SLIT2: variants seen among roughly 807,000 people sequenced by gnomAD.
SLIT2 encodes slit guidance ligand 2, also known as slit homolog 2 protein.
SLIT2 carries 41 observed loss-of-function variants against 185.7 expected under a neutral mutation model. The ratio of observed to expected loss-of-function variants is 0.22; its 90% CI spans 0.17 to 0.29. The LOEUF is 0.29. Among genes scored for constraint, SLIT2 ranks in the 10% least tolerant of loss-of-function variants. SLIT2 has a pLI of 1.00. For missense variants in SLIT2, 1,571 were observed against 1,909.0 expected, an observed-to-expected ratio of 0.82 and a Z score of 3.30; for synonymous variants, 693 against 680.2, an observed-to-expected ratio of 1.02 and a Z score of -0.29.
Position 20,618,791 on chromosome 4 carries a change from A to G in SLIT2, c.4372A>G (p.Ile1458Val), listed in dbSNP as rs1560246922. The change falls in exon 37 of 37, where the codon ATA (isoleucine) becomes GTA (valine). Residue 1458 changes from isoleucine (I) to valine (V), a missense_variant. Ile to Val is a conservative substitution (Grantham distance 29). Coordinates refer to ENST00000504154, the MANE Select transcript of SLIT2 (RefSeq NM_004787.4). ...DREISCRGERIRDYYQKQQGY... is the reference protein window; with the variant it reads ...DREISCRGERVRDYYQKQQGY... ...AGAAATCTCTTGTCGAGGGGAAAGGATAAGAGATTATTACCAAAAGCAGCA... is the reference window on the plus strand; with the variant it reads ...AGAAATCTCTTGTCGAGGGGAAAGGGTAAGAGATTATTACCAAAAGCAGCA... 6.2e-7 allele frequency: 1 copy of G among 1,604,432 alleles called. No individual in the cohort carries two copies. The highest frequency in any genetic ancestry group is 1.7e-5 in the Admixed American group (1 of 59,802).
At chr4:20,512,942 T>G (rs1205382855) in intron 11 of SLIT2, among the ~76,000 whole-genome samples, 2 of 152,200 alleles carry the variant, frequency 1.3e-5, no homozygotes, top group East Asian at 3.9e-4. Context: ...TAGAACAGTT[T>G]ATTATAATTT....
intron 4 of SLIT2, among the ~76,000 whole-genome samples, chr4:20,300,637 CTTTGTT>C (rs1194868054): frequency 1.3e-5 from 2 of 151,922 alleles, no homozygotes; most frequent in Admixed American, 6.6e-5. Flanking sequence ...TAGACATCCT[CTTTGTT>C]TTTATTTCCT....
rs1721494411 is a variant in SLIT2, at chr4:20,528,437, A to G, written c.1463-512A>G. The G allele has an allele frequency of 7.4e-5, 36 of 486,184 alleles. No individual in the cohort carries two copies. The highest frequency in any genetic ancestry group is 5.3e-4 in the South Asian group (35 of 65,714). 30.1% of individuals were successfully genotyped at this position (486,184 alleles called of 1,614,324 possible). A position where few individuals can be genotyped will look rare whatever the true frequency, so the allele number is the denominator to read the frequency against. On this transcript the variant is annotated intron_variant, in intron 15 of 36. Coordinates refer to ENST00000504154, the MANE Select transcript of SLIT2 (RefSeq NM_004787.4). This position sits in a 1 kb window ranked among gnomAD's most constrained non-coding sequence, Gnocchi z 4.2. ...AGGATTTTCCTGTCTCTTTCTACAAAATCAAAATGAAAAAAGAGGGCTTTT... is the reference window on the plus strand; with the variant it reads ...AGGATTTTCCTGTCTCTTTCTACAAGATCAAAATGAAAAAAGAGGGCTTTT...
chr4:20,469,134 A>G (rs1714681479), intron 5 of SLIT2, among the ~76,000 whole-genome samples: 1 of 152,152 alleles, frequency 6.6e-6, no homozygotes, highest in Non-Finnish European at 1.5e-5. Context: ...GGCTTCAAGA[A>G]GTCTTCAGGT....
intron 8 of SLIT2, among the ~76,000 whole-genome samples, chr4:20,489,528 A>G (rs990682936): frequency 5.9e-5 from 9 of 152,268 alleles, no homozygotes; most frequent in Non-Finnish European, 1.2e-4. Context: ...CCACGCCTGT[A>G]ATCCCAGCAT....
intron 4 of SLIT2, among the ~76,000 whole-genome samples, chr4:20,310,951 C>T (rs1219692216): frequency 2.0e-5 from 3 of 152,212 alleles, no homozygotes; most frequent in Non-Finnish European, 4.4e-5. Flanking sequence ...GTGGTGCAAT[C>T]ATAGCTCATT....
intron 30 of SLIT2, 36 bp downstream of exon 30, chr4:20,589,773 G>C: frequency 6.7e-7 from 1 of 1,490,536 alleles, no homozygotes; most frequent in Non-Finnish European, 9.3e-7. Flanking sequence ...CACAGTCAGG[G>C]TAGGGGACCC....
intron 4 of SLIT2, among the ~76,000 whole-genome samples, chr4:20,280,389 T>G (rs1444927072): frequency 6.6e-6 from 1 of 151,714 alleles, no homozygotes; most frequent in Non-Finnish European, 1.5e-5. Context: ...CTTTCACTAG[T>G]TACATTCCTA....
intron 29 of SLIT2, among the ~76,000 whole-genome samples, chr4:20,585,565 CATTTAACCTAT>C (rs1391212557): frequency 6.6e-6 from 1 of 152,194 alleles, no homozygotes; most frequent in African/African-American, 2.4e-5. Flanking sequence ...TAGACACCAA[CATTTAACCTAT>C]ATTCAACCAC....
chr4:20,521,748 C>T (rs1487428401), intron 12 of SLIT2, among the ~76,000 whole-genome samples: 1 of 151,910 alleles, frequency 6.6e-6, no homozygotes, highest in Non-Finnish European at 1.5e-5. Flanking sequence ...AGAGCACAGC[C>T]AATTGAGTCA....
Position 20,372,552 on chromosome 4 carries a change from A to G in SLIT2, c.396-95200A>G, listed in dbSNP as rs114087008. Among the ~76,000 whole-genome samples, 868 of 152,186 alleles carry G rather than the reference A, an allele frequency of 5.7e-3. 7 individuals carry two copies. Among genetic ancestry groups the G allele is most frequent in the African/African-American group, 0.02 (827 of 41,560 alleles). ...TTTGTAAATTGTCTTTATAATTTAT[A>G]TCTTTAACTGTGTTCTATAGCATGG... On this transcript the variant is annotated intron_variant, in intron 4 of 36. Coordinates refer to ENST00000504154, the MANE Select transcript of SLIT2 (RefSeq NM_004787.4).
In SLIT2 at chr4:20,539,449, G is replaced by A; in HGVS notation, c.1841G>A (p.Arg614Lys). 6.2e-7 allele frequency: 1 copy of A among 1,611,516 alleles called. No individual in the cohort carries two copies. Among genetic ancestry groups the A allele is most frequent in the Non-Finnish European group, 8.5e-7 (1 of 1,179,008 alleles). The change falls in exon 19 of 37, where the codon AGA becomes AAA. Residue 614 changes from arginine to lysine, a missense_variant. Around this residue, in one of 3 missense-constraint regions of SLIT2, gnomAD observed 1,202 missense variants for 1,416.4 expected, o/e 0.85. Coordinates refer to ENST00000504154, the MANE Select transcript of SLIT2 (RefSeq NM_004787.4). ...GLESLKTLML[R>K]SNRITCVGND... The stretch of plus-strand genomic sequence containing the variant: ...CCTTTTTTTCCCCTCAGGATGTTGA[G>A]AAGCAATCGAATAACCTGTGTGGGG...
rs549115714 is a variant in SLIT2 at position 20,620,515 on chromosome 4, G to A, written c.*1506G>A. 23 of 418,472 alleles carry A rather than the reference G, an allele frequency of 5.5e-5. No individual in the cohort carries two copies. Among genetic ancestry groups the A allele is most frequent in the South Asian group, 1.1e-4 (6 of 56,336 alleles). 25.9% of individuals were successfully genotyped at this position (418,472 alleles called of 1,614,324 possible). ...TTTGTCTTTCTCCAGATTAATATCG[G>A]TTACACTGCTGATGTTTGTAAATTA... On this transcript the variant is annotated 3_prime_UTR_variant, in exon 37 of 37. Transcript: ENST00000504154.
intron 4 of SLIT2, among the ~76,000 whole-genome samples, chr4:20,363,725 T>TA (rs1038573687): frequency 2.6e-5 from 4 of 151,850 alleles, no homozygotes; most frequent in South Asian, 4.1e-4. Flanking sequence ...AGGTTATGAA[T>TA]AAAAAAAATC....
At chr4:20,321,231 A>G (rs1293008124) in intron 4 of SLIT2, among the ~76,000 whole-genome samples, 1 of 152,142 alleles carries the variant, frequency 6.6e-6, no homozygotes, top group Non-Finnish European at 1.5e-5. Flanking sequence ...AATGATCCCA[A>G]ATTTCTCCAA....
At chr4:20,401,610 G>A (rs1726367594) in intron 4 of SLIT2, among the ~76,000 whole-genome samples, 1 of 151,836 alleles carries the variant, frequency 6.6e-6, no homozygotes, top group Admixed American at 6.6e-5. Flanking sequence ...CCAAGACCTA[G>A]ATTCAGAGTG....
chr4:20,440,118 G>T (rs941073453), intron 4 of SLIT2, among the ~76,000 whole-genome samples: 1 of 152,028 alleles, frequency 6.6e-6, no homozygotes, highest in Non-Finnish European at 1.5e-5. Context: ...GCAGTCTGCC[G>T]TATCTTTATA....
intron 4 of SLIT2, among the ~76,000 whole-genome samples, chr4:20,360,626 C>T (rs1366457449): frequency 2.0e-5 from 3 of 151,092 alleles, no homozygotes; most frequent in Admixed American, 1.3e-4. Context: ...AAATGGTATA[C>T]GTTAAAATTG....
chr4:20,334,662 T>G (rs1720345294), intron 4 of SLIT2, among the ~76,000 whole-genome samples: 1 of 152,168 alleles, frequency 6.6e-6, no homozygotes, highest in South Asian at 2.1e-4. Context: ...AAGTCCATGT[T>G]GAATTTATCT....
Sources: gnomAD v4.1 joint callset for allele counts (sites outside exome capture counted in the v4.1 genomes callset) on GRCh38, gnomAD v4.1.1 for gene constraint, gnomAD v4.1.1 regional missense constraint, Gnocchi (gnomAD v3.1) non-coding constraint, MANE v1.5 for transcripts, NCBI Gene and HGNC (gene_info 2026-07-23, HGNC 2026-07-21) for gene names.